The following EML6 variants were observed in gnomAD, a reference collection of about 807,000 sequenced individuals.
EML6 encodes echinoderm microtubule-associated protein-like 6.
Under a neutral mutation model 240.1 loss-of-function variants are expected in EML6, and 154 were observed. The ratio of observed to expected loss-of-function variants is 0.64; its 90% CI spans 0.56 to 0.73. The LOEUF is 0.73. EML6 is among the 30% of genes least tolerant of loss of function. EML6 has a pLI of 0.00. For missense variants in EML6, 2,964 were observed against 2,474.6 expected (o/e 1.20, Z -4.20); for synonymous variants, 1,148 against 899.0 (o/e 1.28, Z -4.95).
intron 10 of EML6, among the ~76,000 whole-genome samples, chr2:54,852,690 C>T (rs1367926672): frequency 6.6e-6 from 1 of 152,192 alleles, no homozygotes; most frequent in Non-Finnish European, 1.5e-5. Context: ...TTACGTAATG[C>T]TGTTACAGTC....
At chr2:54,891,206 G>A in intron 18 of EML6, 52 bp downstream of exon 18, 1 of 927,220 alleles carries the variant, frequency 1.1e-6, no homozygotes, top group Non-Finnish European at 1.6e-6. Context: ...TACCCTAGCT[G>A]GAAAGAAAAA....
In EML6 at chr2:54,725,016, G is replaced by C. The variant is rs554556276; in HGVS notation, c.-46G>C. 6.2e-5 allele frequency: 88 copies of C among 1,429,166 alleles called. 1 individual carries two copies. In the South Asian group the frequency reaches 1.1e-3, roughly 19 times the overall value. 88.5% of individuals were successfully genotyped at this position (1,429,166 alleles called of 1,614,324 possible). A position where few individuals can be genotyped will look rare whatever the true frequency, so the allele number is the denominator to read the frequency against. ...CCGCAGCCCCAGCCTCGGCGAGGACGGCCCCGGCGCGCGGGGGGGCGGGGG... is the reference window on the plus strand; with the variant it reads ...CCGCAGCCCCAGCCTCGGCGAGGACCGCCCCGGCGCGCGGGGGGGCGGGGG... On this transcript the variant is annotated 5_prime_UTR_variant, in exon 2 of 42. Transcript: ENST00000356458. This position sits in a 1 kb window ranked among gnomAD's most constrained non-coding sequence, Gnocchi z 4.3.
chr2:54,884,711 C>G (rs1264177445), intron 17 of EML6, among the ~76,000 whole-genome samples: 1 of 152,146 alleles, frequency 6.6e-6, no homozygotes. Context: ...CTAAAAAGTT[C>G]TCACAAAAAA....
At chr2:54,938,238 C>T (rs936198005) in intron 28 of EML6, among the ~76,000 whole-genome samples, 8 of 151,964 alleles carry the variant, frequency 5.3e-5, no homozygotes, top group South Asian at 2.1e-4. Context: ...CACAGCTACT[C>T]GGGAGGCTGA....
chr2:54,918,562 G>T (rs1049149927), intron 26 of EML6, among the ~76,000 whole-genome samples: 1 of 152,010 alleles, frequency 6.6e-6, no homozygotes, highest in Non-Finnish European at 1.5e-5. Flanking sequence ...ACCCAGGCTG[G>T]TCCCAAACTC....
chr2:54,740,132 G>T (rs993855712), intron 2 of EML6, among the ~76,000 whole-genome samples: 5 of 152,132 alleles, frequency 3.3e-5, no homozygotes, highest in African/African-American at 7.2e-5. Flanking sequence ...ACATCCAAGA[G>T]GTGGTTATAC....
In EML6 at chr2:54,844,160, C is replaced by G; in HGVS notation, c.961C>G (p.Gln321Glu). Residue 321 changes from glutamine (Q) to glutamate (E), a missense_variant, in exon 8 of 42, where the codon CAG becomes GAG. Coordinates refer to ENST00000356458, the MANE Select transcript of EML6 (RefSeq NM_001039753.4). The stretch of plus-strand genomic sequence containing the variant: ...GCGAGACAAGCCGATGTTGATCCTA[C>G]AGGGCCACTGCGAGGGTGAGCTCTG... Reference protein sequence around the residue: ...RERDKPMLILQGHCEGELWAL... With the variant: ...RERDKPMLILEGHCEGELWAL... 6.4e-7 allele frequency: 1 copy of G among 1,551,718 alleles called. No individual in the cohort carries two copies.
In EML6 at chr2:54,893,946, T is replaced by C. The variant is rs371906300; in HGVS notation, c.2743-969T>C. On this transcript the variant is annotated intron_variant, in intron 19 of 41. Coordinates refer to ENST00000356458, the MANE Select transcript of EML6 (RefSeq NM_001039753.4). ...GAATTTCTGTAGGCCCAGAAGTAGA[T>C]ATGGTGTAACTTGTTTAAGCTCTTG... is the stretch of plus-strand genomic sequence containing the variant. Among the ~76,000 whole-genome samples, 12 of 152,306 alleles carry C rather than the reference T, an allele frequency of 7.9e-5. No homozygotes were observed. In the South Asian group the frequency reaches 2.5e-3, roughly 32 times the overall value.
Position 54,866,777 on chromosome 2 carries a change from A to C in EML6, c.1944A>C (p.Glu648Asp), listed in dbSNP as rs1478263976. The C allele has an allele frequency of 1.9e-6, 3 of 1,549,312 alleles. No homozygotes were observed. The East Asian group carries it at 7.3e-5, about 38-fold the overall frequency. ...QINYDRQVYK[E>D]DLPQLKQQSK... ...TGTTGTACTTTAAGGTTTACAAAGA[A>C]GATCTACCTCAGCTAAAGCAACAAA... The change falls in exon 14 of 42, where the codon GAA becomes GAC. Residue 648 changes from glutamate (E) to aspartate (D), a missense_variant. Transcript: ENST00000356458.
chr2:54,725,256 C>T lies in EML6; in HGVS notation c.195C>T (p.Ile65=). 6.9e-7 allele frequency: 1 copy of T among 1,458,876 alleles called. No individual in the cohort carries two copies. Among genetic ancestry groups the T allele is most frequent in the Non-Finnish European group, 9.1e-7 (1 of 1,096,316 alleles). 90.4% of individuals were successfully genotyped at this position (1,458,876 alleles called of 1,614,324 possible). The change falls in exon 2 of 42, where the codon ATC becomes ATT. Residue 65 remains isoleucine, a splice_region_variant and synonymous_variant. Coordinates refer to ENST00000356458, the MANE Select transcript of EML6 (RefSeq NM_001039753.4). The surrounding 1 kb of genome is among the most constrained non-coding windows in gnomAD (Gnocchi z 4.3). ...TCCTGGGACACAACGACGACATTAT[C>T]AGGTAAGGGGGTGGCCAGGGGCGGC... ...KFFLGHNDDI[I]SLALHPDKTL...
intron 35 of EML6, among the ~76,000 whole-genome samples, chr2:54,961,154 T>C (rs1676475148): frequency 7.0e-6 from 1 of 143,160 alleles, no homozygotes; most frequent in Non-Finnish European, 1.5e-5. Flanking sequence ...GGCAGGACTA[T>C]GCCTGGAGCC....
At chr2:54,880,526 A>T (rs972100170) in intron 17 of EML6, 5 of 152,216 alleles carry the variant, frequency 3.3e-5, no homozygotes, top group African/African-American at 1.2e-4. Flanking sequence ...ATTGCTAGAG[A>T]CCTGGAGGAG....
intron 28 of EML6, among the ~76,000 whole-genome samples, chr2:54,938,697 C>T (rs573446639): frequency 1.3e-5 from 2 of 152,240 alleles, no homozygotes; most frequent in South Asian, 2.1e-4. Flanking sequence ...CCAGGCTTCA[C>T]GCTGTCTGAG....
Position 54,970,377 on chromosome 2 carries a change from A to G in EML6, c.*282A>G. 2.5e-6 allele frequency: 1 copy of G among 397,650 alleles called. No individual in the cohort carries two copies. The highest frequency in any genetic ancestry group is 6.0e-5 in the South Asian group (1 of 16,544). 24.6% of individuals were successfully genotyped at this position (397,650 alleles called of 1,614,324 possible). ...ACATACTAACTACATTGACAAAGAA[A>G]TCCTATCTGATAATGTAGCCCGCTG... is the stretch of plus-strand genomic sequence containing the variant. On this transcript the variant is annotated 3_prime_UTR_variant, in exon 42 of 42. Coordinates refer to ENST00000356458, the MANE Select transcript of EML6 (RefSeq NM_001039753.4).
At chr2:54,920,748 C>T (rs889797736) in intron 26 of EML6, among the ~76,000 whole-genome samples, 3 of 152,106 alleles carry the variant, frequency 2.0e-5, no homozygotes, top group Non-Finnish European at 4.4e-5. Flanking sequence ...AATATAGGTG[C>T]AAAAATCTGA....
intron 17 of EML6, among the ~76,000 whole-genome samples, chr2:54,888,348 G>A (rs546249368): frequency 3.0e-4 from 46 of 152,318 alleles, no homozygotes; most frequent in African/African-American, 1.1e-3. Context: ...ATCTGGGCAT[G>A]ATCAGGTGAT....
rs906817693 is a variant in EML6, at chr2:54,853,651, C to T, written c.1453C>T (p.Pro485Ser). 1.9e-6 allele frequency: 3 copies of T among 1,539,634 alleles called. No individual in the cohort carries two copies. The East Asian group carries it at 7.4e-5, about 38-fold the overall frequency. Residue 485 changes from proline to serine, a missense_variant, in exon 11 of 42, where the codon CCT becomes TCT. Transcript: ENST00000356458. ...ATATTGATTATTTTCAGCTGGGAAG[C>T]CTTTAACAAGTAAAGAAGAAATTAA... ...RLFYRMPSGK[P>S]LTSKEEIKGI...
At chr2:54,934,497 G>A (rs1472120556) in intron 28 of EML6, among the ~76,000 whole-genome samples, 1 of 151,838 alleles carries the variant, frequency 6.6e-6, no homozygotes, top group Non-Finnish European at 1.5e-5. Flanking sequence ...TAGTCCTCTG[G>A]CCTAAGATTT....
chr2:54,823,848 CA>C (rs1335977228), intron 5 of EML6, among the ~76,000 whole-genome samples: 49 of 146,476 alleles, frequency 3.3e-4, no homozygotes, highest in Non-Finnish European at 5.4e-4. Flanking sequence ...TTCATTCATT[CA>C]TTCTCTCTCT....
Sources: gnomAD v4.1 joint callset for allele counts (sites outside exome capture counted in the v4.1 genomes callset) on GRCh38, gnomAD v4.1.1 for gene constraint, Gnocchi (gnomAD v3.1) non-coding constraint, MANE v1.5 for transcripts, NCBI Gene and HGNC (gene_info 2026-07-23, HGNC 2026-07-21) for gene names.